Variants in MICU2 observed in about 807,000 individuals in gnomAD.
The protein encoded by MICU2 is mitochondrial calcium uptake 2.
Under a neutral mutation model 60.4 loss-of-function variants are expected in MICU2, and 64 were observed. The ratio of observed to expected loss-of-function variants is 1.06; its 90% CI spans 0.87 to 1.31. MICU2 has a LOEUF of 1.31. Ranked by LOEUF, MICU2 falls within the 50% of genes most tolerant of loss-of-function variation. MICU2 has a pLI of 0.00. For missense variants in MICU2, 569 were observed against 531.0 expected (o/e 1.07, Z -0.70); for synonymous variants, 201 against 175.0 (o/e 1.15, Z -1.17).
chr13:21,547,639 T>C (rs904301358), intron 2 of MICU2, among the ~76,000 whole-genome samples: 4 of 152,222 alleles, frequency 2.6e-5, no homozygotes, highest in Non-Finnish European at 4.4e-5. Flanking sequence ...TAAGAGTTTG[T>C]ACTGATTGAT....
intron 7 of MICU2, among the ~76,000 whole-genome samples, chr13:21,513,901 A>G (rs1886496730): frequency 6.6e-6 from 1 of 152,130 alleles, no homozygotes; most frequent in South Asian, 2.1e-4. Flanking sequence ...TATACATAAA[A>G]TCTCTCTGGA....
chr13:21,514,540 C>CTTT, intron 6 of MICU2, 122 bp from the exon 7 acceptor site: 1 of 505,824 alleles, frequency 2.0e-6, no homozygotes, highest in Non-Finnish European at 3.4e-6. Flanking sequence ...ATATTAACTT[C>CTTT]TTTTTTTTTT....
chr13:21,493,322 C>T lies in MICU2; in HGVS notation c.1232G>A (p.Trp411Ter). The stretch of plus-strand genomic sequence containing the variant: ...AATGCTTTCTTTCTTCACACACTTC[C>T]AGTATTCTTGTATACTCTGATGTTG... ...VPQHQSIQEYWKCVKKESIKG... is the reference protein window; with the variant it reads ...VPQHQSIQEY Residue 411 changes from tryptophan (W) to a stop codon, truncating the protein, a stop_gained, in exon 12 of 12, where the codon TGG (tryptophan) becomes TAG (stop). Transcript: ENST00000382374. LOFTEE classifies it high-confidence loss of function. 6.2e-7 allele frequency: 1 copy of T among 1,609,846 alleles called. No homozygotes were observed. The highest frequency in any genetic ancestry group is 8.5e-7 in the Non-Finnish European group (1 of 1,178,382).
chr13:21,515,600 A>G (rs1434318578), intron 6 of MICU2: 1 of 434,272 alleles, frequency 2.3e-6, no homozygotes, highest in African/African-American at 2.0e-5. Flanking sequence ...AAGCATTTTA[A>G]AAGAATCAGA....
intron 1 of MICU2, among the ~76,000 whole-genome samples, chr13:21,583,212 A>G (rs547393046): frequency 6.6e-6 from 1 of 152,286 alleles, no homozygotes; most frequent in African/African-American, 2.4e-5. Context: ...TTGCACCACT[A>G]TGCTCTGGCC....
Position 21,533,410 on chromosome 13 carries a change from G to GC in MICU2, c.466+5891dup, listed in dbSNP as rs545336441. Among the ~76,000 whole-genome samples, 21 of 148,406 alleles carry GC rather than the reference G, an allele frequency of 1.4e-4. No homozygotes were observed. In the South Asian group the frequency reaches 3.2e-3, roughly 23 times the overall value. On this transcript the variant is annotated intron_variant, in intron 4 of 11. Transcript: ENST00000382374. ...GCAATCTCGGCTCACTGCAAGCTCT[G>GC]CCCCCCGGGTTCACGCCATTCCCCT... is the stretch of plus-strand genomic sequence containing the variant.
At chr13:21,516,319 A>G (rs892242881) in intron 6 of MICU2, among the ~76,000 whole-genome samples, 2 of 152,162 alleles carry the variant, frequency 1.3e-5, no homozygotes, top group African/African-American at 4.8e-5. Context: ...GAAATTAACT[A>G]GTATGTATTC....
intron 1 of MICU2, among the ~76,000 whole-genome samples, chr13:21,596,891 C>A (rs998786069): frequency 6.6e-6 from 1 of 152,026 alleles, no homozygotes; most frequent in African/African-American, 2.4e-5. Context: ...GACTAAAATG[C>A]AAAAATAGTT....
At chr13:21,521,105 T>C in intron 6 of MICU2, 140 bp downstream of exon 6, 1 of 708,910 alleles carries the variant, frequency 1.4e-6, no homozygotes, top group African/African-American at 1.8e-5. Flanking sequence ...GAAAATTTAA[T>C]ATTTTTGAAT....
intron 1 of MICU2, among the ~76,000 whole-genome samples, chr13:21,593,432 G>T (rs917604170): frequency 7.3e-5 from 11 of 151,636 alleles, no homozygotes; most frequent in Admixed American, 4.6e-4. Context: ...AAAATGACCA[G>T]ACTGTCAAAA....
At chr13:21,512,847 A>G (rs1244259969) in intron 7 of MICU2, among the ~76,000 whole-genome samples, 1 of 152,084 alleles carries the variant, frequency 6.6e-6, no homozygotes, top group Non-Finnish European at 1.5e-5. Flanking sequence ...TTCTTCTAAG[A>G]GCTCTATAAG....
At chr13:21,595,780 G>A (rs1888679466) in intron 1 of MICU2, among the ~76,000 whole-genome samples, 1 of 152,236 alleles carries the variant, frequency 6.6e-6, no homozygotes, top group African/African-American at 2.4e-5. Context: ...ACAGCCTCTT[G>A]GAAAAGGCTC....
At chr13:21,592,041 G>A (rs1888595077) in intron 1 of MICU2, among the ~76,000 whole-genome samples, 1 of 105,348 alleles carries the variant, frequency 9.5e-6, no homozygotes, top group South Asian at 2.8e-4. Context: ...ATAGAGACAA[G>A]AAAATCCTCC....
intron 2 of MICU2, among the ~76,000 whole-genome samples, chr13:21,546,459 G>A (rs1025251673): frequency 6.6e-6 from 1 of 152,268 alleles, no homozygotes; most frequent in East Asian, 1.9e-4. Flanking sequence ...CTCCAAATAT[G>A]AGCTGCTTAA....
At chr13:21,589,817 AT>A (rs1888540887) in intron 1 of MICU2, among the ~76,000 whole-genome samples, 1 of 152,186 alleles carries the variant, frequency 6.6e-6, no homozygotes, top group African/African-American at 2.4e-5. Context: ...CCCAATTGAA[AT>A]TAGTTTAGCC....
At chr13:21,580,641 A>C (rs1888328131) in intron 1 of MICU2, among the ~76,000 whole-genome samples, 1 of 152,302 alleles carries the variant, frequency 6.6e-6, no homozygotes, top group Non-Finnish European at 1.5e-5. Flanking sequence ...GAATTTTGTC[A>C]CTTTTAGTCT....
intron 2 of MICU2, among the ~76,000 whole-genome samples, chr13:21,554,248 C>T (rs923077310): frequency 1.1e-4 from 17 of 152,138 alleles, no homozygotes; most frequent in African/African-American, 3.9e-4. Flanking sequence ...AGCACCACAC[C>T]ACATCTATTC....
rs150899927 is a variant in MICU2, at chr13:21,515,492, C to T, written c.598-1074G>A. On this transcript the variant is annotated intron_variant, in intron 6 of 11. Transcript: ENST00000382374. Reference sequence around the variant, plus strand: ...ACTTACATTTCTACTAATTAGGACACTGTAAATAGTACTTTGAAATTGAGT... The same window carrying T: ...ACTTACATTTCTACTAATTAGGACATTGTAAATAGTACTTTGAAATTGAGT... 1.7e-3 allele frequency: 692 copies of T among 406,118 alleles called. 2 individuals are homozygous for T. Among genetic ancestry groups the T allele is most frequent in the Non-Finnish European group, 2.7e-3 (543 of 203,844 alleles). 25.2% of individuals were successfully genotyped at this position (406,118 alleles called of 1,614,324 possible).
At chr13:21,589,038 A>C (rs578229899) in intron 1 of MICU2, among the ~76,000 whole-genome samples, 1 of 152,364 alleles carries the variant, frequency 6.6e-6, no homozygotes, top group Non-Finnish European at 1.5e-5. Flanking sequence ...GGCTTGGGAA[A>C]ATAAGATAGC....
Sources: allele counts gnomAD v4.1 joint callset (sites outside exome capture counted in the v4.1 genomes callset), GRCh38; gene constraint gnomAD v4.1.1; transcripts MANE v1.5; gene names NCBI Gene and HGNC (gene_info 2026-07-23, HGNC 2026-07-21).